RARA: variants seen among roughly 807,000 people sequenced by gnomAD.
RARA encodes the protein retinoic acid receptor alpha.
Under a neutral mutation model 42.8 loss-of-function variants are expected in RARA, and 5 were observed. That is an observed-to-expected ratio of 0.12 (90% CI 0.06 to 0.25). RARA has a LOEUF of 0.25. Ranked by LOEUF, RARA falls within the 10% of genes least tolerant of loss-of-function variation. RARA has a pLI of 1.00. For synonymous variants in RARA, 256 were observed against 259.5 expected (o/e 0.99, Z 0.13); for missense variants, 402 against 628.7 (o/e 0.64, Z 3.86).
At chr17:40,327,232 G>A (rs1045476290) in intron 1 of RARA, among the ~76,000 whole-genome samples, 6 of 152,158 alleles carry the variant, frequency 3.9e-5, no homozygotes, top group Non-Finnish European at 8.8e-5. Flanking sequence ...GGTTCCAGAG[G>A]GTCCAGGCTG....
intron 2 of RARA, among the ~76,000 whole-genome samples, chr17:40,336,853 G>A (rs1013025158): frequency 6.6e-6 from 1 of 151,696 alleles, no homozygotes; most frequent in African/African-American, 2.4e-5. Context: ...GTGCCGCTAC[G>A]CCCAGCTAAT....
At chr17:40,314,560 G>A (rs1034211535) in intron 1 of RARA, among the ~76,000 whole-genome samples, 2 of 150,802 alleles carry the variant, frequency 1.3e-5, no homozygotes, top group Admixed American at 1.3e-4. Context: ...GGGGCCTGGT[G>A]TGGTGGGGGT....
At chr17:40,336,000 T>C (rs2033837081) in intron 2 of RARA, among the ~76,000 whole-genome samples, 1 of 152,336 alleles carries the variant, frequency 6.6e-6, no homozygotes, top group Non-Finnish European at 1.5e-5. Flanking sequence ...AGCAAGACCC[T>C]GTCTCAAAAA....
At chr17:40,339,669 C>G (rs2033968315) in intron 2 of RARA, among the ~76,000 whole-genome samples, 1 of 152,194 alleles carries the variant, frequency 6.6e-6, no homozygotes, top group Non-Finnish European at 1.5e-5. Context: ...CACACTCTGC[C>G]TCCCTACTTA....
At chr17:40,312,980 T>C (rs1395186122) in intron 1 of RARA, among the ~76,000 whole-genome samples, 1 of 152,212 alleles carries the variant, frequency 6.6e-6, no homozygotes, top group Non-Finnish European at 1.5e-5. Flanking sequence ...CATTTTCCCA[T>C]CTGCTTTTTT....
At chr17:40,315,132 GTATATATATATATATATATATA>G (rs71356657) in intron 1 of RARA, among the ~76,000 whole-genome samples, 7 of 64,194 alleles carry the variant, frequency 1.1e-4, no homozygotes, top group Admixed American at 4.3e-4. Context: ...GCTTATATGT[GTATATATATATATATATATATA>G]TATATATATA....
In RARA at chr17:40,352,418, G is replaced by A. The variant is rs2143503287; in HGVS notation, c.718G>A (p.Val240Met). Residue 240 changes from valine (V) to methionine (M), a missense_variant, in exon 6 of 9, where the codon GTG becomes ATG. By Grantham distance (21) the Val-to-Met change is conservative. Around this residue, in one of 5 missense-constraint regions of RARA, gnomAD observed 130 missense variants for 267.9 expected, o/e 0.49. Transcript: ENST00000254066. The surrounding 1 kb of genome is among the most constrained non-coding windows in gnomAD (Gnocchi z 4.9). The stretch of plus-strand genomic sequence containing the variant: ...CTCCACCAAGTGCATCATTAAGACT[G>A]TGGAGTTCGCCAAGCAGCTGCCCGG... ...ELSTKCIIKT[V>M]EFAKQLPGFT... 6.2e-7 allele frequency: 1 copy of A among 1,613,890 alleles called. No individual in the cohort carries two copies. Among genetic ancestry groups the A allele is most frequent in the Non-Finnish European group, 8.5e-7 (1 of 1,179,862 alleles).
Position 40,355,904 on chromosome 17 carries a change from C to A in RARA, c.1172-105C>A. ...AAAGAACTGAATCCCAAGAAAGATG[C>A]TAATATCAGCAGTATTGATCTTCCC... is the stretch of plus-strand genomic sequence containing the variant. On this transcript the variant is annotated intron_variant, in intron 8 of 8. Transcript: ENST00000254066. This position sits in a 1 kb window ranked among gnomAD's most constrained non-coding sequence, Gnocchi z 4.1. The A allele has an allele frequency of 2.1e-6, 2 of 968,914 alleles. No homozygotes were observed. The highest frequency in any genetic ancestry group is 3.1e-6 in the Non-Finnish European group (2 of 654,826). The allele number at this position is 968,914 out of a possible 1,614,324, so 60.0% of individuals were successfully genotyped here.
chr17:40,338,989 GC>G (rs2033943424), intron 2 of RARA, among the ~76,000 whole-genome samples: 1 of 152,154 alleles, frequency 6.6e-6, no homozygotes, highest in Non-Finnish European at 1.5e-5. Context: ...CTGCACTCTA[GC>G]CTGGGTGACA....
At chr17:40,329,932 G>A (rs1301157335) in intron 1 of RARA, among the ~76,000 whole-genome samples, 5 of 151,976 alleles carry the variant, frequency 3.3e-5, no homozygotes. Flanking sequence ...CTCTCTCTTT[G>A]CTCTTGTTGC....
chr17:40,351,337 GCTT>G lies in RARA; in HGVS notation c.470-569_470-567del, dbSNP rs2034440228. 1 of 281,604 alleles carries G rather than the reference GCTT, an allele frequency of 3.6e-6. No homozygotes were observed. Among genetic ancestry groups the G allele is most frequent in the Non-Finnish European group, 7.8e-6 (1 of 128,402 alleles). The allele number at this position is 281,604 out of a possible 1,614,324, so 17.4% of individuals were successfully genotyped here. A position where few individuals can be genotyped will look rare whatever the true frequency, so the allele number is the denominator to read the frequency against. ...ATAATCGGCTGGTAACGACCCCATC[GCTT>G]CTTTAAAGCCGAGTGGTGTGTGCGG... On this transcript the variant is annotated intron_variant, in intron 4 of 8. Coordinates refer to ENST00000254066, the MANE Select transcript of RARA (RefSeq NM_000964.4). This position sits in a 1 kb window ranked among gnomAD's most constrained non-coding sequence, Gnocchi z 4.1.
intron 1 of RARA, among the ~76,000 whole-genome samples, chr17:40,324,116 G>A (rs774060184): frequency 1.3e-5 from 2 of 152,110 alleles, no homozygotes; most frequent in Non-Finnish European, 2.9e-5. Flanking sequence ...CAGCTGCCAA[G>A]GTGTGAGGGT....
Position 40,355,244 on chromosome 17 carries a change from G to GGT in RARA, c.1013-17_1013-16dup, listed in dbSNP as rs1567766379. 1 of 1,553,488 alleles carries GGT rather than the reference G, an allele frequency of 6.4e-7. No homozygotes were observed. Among genetic ancestry groups the GGT allele is most frequent in the Non-Finnish European group, 8.7e-7 (1 of 1,147,784 alleles). ...CAGCTGTGTTCCCAGCTGCTCAGGG[G>GGT]GTGGTTCTGCTTCCTCAGACCGCCA... On this transcript the variant is annotated intron_variant, in intron 7 of 8. Transcript: ENST00000254066. The surrounding 1 kb of genome is among the most constrained non-coding windows in gnomAD (Gnocchi z 4.1).
At chr17:40,314,520 G>C (rs2033155052) in intron 1 of RARA, among the ~76,000 whole-genome samples, 1 of 151,048 alleles carries the variant, frequency 6.6e-6, no homozygotes, top group Non-Finnish European at 1.5e-5. Context: ...GGCAGCACAG[G>C]GGTCTCACAA....
At chr17:40,348,552 G>A in intron 3 of RARA, 88 bp downstream of exon 3, 1 of 1,457,062 alleles carries the variant, frequency 6.9e-7, no homozygotes, top group Non-Finnish European at 9.1e-7. Context: ...GCAGTTGGGG[G>A]GTGTCCCTGA....
At chr17:40,349,955 C>T (rs758433781) in intron 4 of RARA, 30 bp downstream of exon 4, 42 of 1,610,140 alleles carry the variant, frequency 2.6e-5, no homozygotes, top group South Asian at 8.8e-5. Flanking sequence ...GGCCGAGTCC[C>T]GCCTCAGTTG....
chr17:40,316,687 C>T (rs2033220218), intron 1 of RARA, among the ~76,000 whole-genome samples: 1 of 152,188 alleles, frequency 6.6e-6, no homozygotes, highest in Non-Finnish European at 1.5e-5. Context: ...GGGGCTCAGG[C>T]TGGAAGGCCC....
Position 40,348,308 on chromosome 17 carries a change from C to T in RARA, c.179-8C>T, listed in dbSNP as rs371154216. The T allele has an allele frequency of 3.2e-6, 5 of 1,576,890 alleles. No homozygotes were observed. The African/African-American group carries it at 5.5e-5, about 17-fold the overall frequency. On this transcript the variant is annotated splice_polypyrimidine_tract_variant and splice_region_variant and intron_variant, in intron 2 of 8. Transcript: ENST00000254066. ...TCTCTAACTGCCCCTCCCCTCTTCT[C>T]TCTCTAGCCATTGAGACCCAGAGCA...
intron 2 of RARA, chr17:40,341,977 C>T: frequency 8.9e-7 from 1 of 1,117,492 alleles, no homozygotes; most frequent in Non-Finnish European, 1.1e-6. Context: ...CTCCCCCTTC[C>T]CAGGCTGCCC....
Sources: gnomAD v4.1 joint callset for allele counts (sites outside exome capture counted in the v4.1 genomes callset) on GRCh38, gnomAD v4.1.1 for gene constraint, gnomAD v4.1.1 regional missense constraint, Gnocchi (gnomAD v3.1) non-coding constraint, MANE v1.5 for transcripts, NCBI Gene and HGNC (gene_info 2026-07-23, HGNC 2026-07-21) for gene names.